The following PCNX1 variants were observed in gnomAD, a reference collection of about 807,000 sequenced individuals.
PCNX1 encodes the protein pecanex-like protein 1.
In PCNX1, 78 loss-of-function variants were observed where a neutral mutation model predicts 242.2. The ratio of observed to expected loss-of-function variants is 0.32; its 90% CI spans 0.27 to 0.39. The LOEUF is 0.39. PCNX1 is among the 10% of genes least tolerant of loss of function. The probability of loss-of-function intolerance (pLI) is 1.00; values close to 1 mark genes in which losing one functional copy is unlikely to be tolerated. For synonymous variants in PCNX1, 1,024 were observed against 1,032.9 expected (o/e 0.99, Z 0.17); for missense variants, 2,581 against 2,856.5 (o/e 0.90, Z 2.20).
intron 13 of PCNX1, among the ~76,000 whole-genome samples, chr14:71,024,923 T>G (rs1315509352): frequency 1.3e-5 from 2 of 152,196 alleles, no homozygotes; most frequent in Non-Finnish European, 2.9e-5. Context: ...TGTTACTGTT[T>G]TTCTCTTACA....
Position 71,102,043 on chromosome 14 carries a change from C to T in PCNX1, c.5643C>T (p.Ala1881=), listed in dbSNP as rs1312590184. 3.1e-6 allele frequency: 5 copies of T among 1,613,618 alleles called. No homozygotes were observed. The highest frequency in any genetic ancestry group is 2.2e-5 in the East Asian group (1 of 44,874). Residue 1881 remains alanine, a synonymous_variant, in exon 31 of 36, where the codon GCC becomes GCT. Transcript: ENST00000304743. The part of the protein sequence containing the change: ...EYDDPTVLYE[A]IVSHEKNLVI... ...ATGACCCTACTGTGCTCTATGAAGCCATAGTATCTCATGAGAAGAACCTCG... is the reference window on the plus strand; with the variant it reads ...ATGACCCTACTGTGCTCTATGAAGCTATAGTATCTCATGAGAAGAACCTCG...
intron 15 of PCNX1, among the ~76,000 whole-genome samples, chr14:71,028,085 C>T (rs1414638709): frequency 6.6e-6 from 1 of 151,816 alleles, no homozygotes. Context: ...TCTTAGCCAT[C>T]CCCTATTCCT....
intron 8 of PCNX1, among the ~76,000 whole-genome samples, chr14:71,006,859 T>A (rs1289252242): frequency 6.6e-6 from 1 of 152,196 alleles, no homozygotes; most frequent in Non-Finnish European, 1.5e-5. Context: ...ACTTCTAAAG[T>A]ACATAGACTT....
At chr14:71,060,491 A>G (rs893326624) in intron 26 of PCNX1, among the ~76,000 whole-genome samples, 1 of 152,142 alleles carries the variant, frequency 6.6e-6, no homozygotes, top group Admixed American at 6.6e-5. Context: ...GTTTGATTTG[A>G]TCTTGTGTCA....
At chr14:71,023,993 A>G (rs2060172825) in intron 13 of PCNX1, among the ~76,000 whole-genome samples, 1 of 152,180 alleles carries the variant, frequency 6.6e-6, no homozygotes, top group African/African-American at 2.4e-5. Context: ...GTGTAATGAT[A>G]TATGGAAACA....
chr14:70,986,317 C>A (rs2140224696), intron 6 of PCNX1, among the ~76,000 whole-genome samples: 1 of 152,286 alleles, frequency 6.6e-6, no homozygotes, highest in Admixed American at 6.5e-5. Flanking sequence ...AATCATAATT[C>A]CACTTTAACA....
Position 70,908,109 on chromosome 14 carries a change from C to T in PCNX1, c.153+106C>T, listed in dbSNP as rs986545411. ...CCACGGGGTCTCGTCCCCCGGGGGCCGCCACCCTCTCGGTGTGAGGCTCCC... is the reference window on the plus strand; with the variant it reads ...CCACGGGGTCTCGTCCCCCGGGGGCTGCCACCCTCTCGGTGTGAGGCTCCC... On this transcript the variant is annotated intron_variant, in intron 1 of 35. Transcript: ENST00000304743. 37 of 1,090,112 alleles carry T rather than the reference C, an allele frequency of 3.4e-5. 1 individual carries two copies. The highest frequency in any genetic ancestry group is 3.1e-4 in the Middle Eastern group (1 of 3,176). The allele number at this position is 1,090,112 out of a possible 1,614,324, so 67.5% of individuals were successfully genotyped here. A position where few individuals can be genotyped will look rare whatever the true frequency, so the allele number is the denominator to read the frequency against.
Position 70,988,649 on chromosome 14 carries a change from T to C in PCNX1, c.2394T>C (p.Asn798=). The C allele has an allele frequency of 1.2e-6, 2 of 1,614,070 alleles. No individual in the cohort carries two copies. The highest frequency in any genetic ancestry group is 2.2e-5 in the South Asian group (2 of 91,080). ...GCCAGGCAGTACGGCGCCGGCACAA[T>C]GCAGGGAGTAACCCTACCCCTCCTA... is the stretch of plus-strand genomic sequence containing the variant. ...FRRQAVRRRH[N]AGSNPTPPTL... Residue 798 remains asparagine (N), a synonymous_variant, in exon 7 of 36, where the codon AAT becomes AAC. Transcript: ENST00000304743.
chr14:70,939,311 C>T (rs1461755312), intron 1 of PCNX1, among the ~76,000 whole-genome samples: 1 of 152,164 alleles, frequency 6.6e-6, no homozygotes, highest in African/African-American at 2.4e-5. Context: ...AAATGTGTCC[C>T]AGAGATTCTG....
In PCNX1 at chr14:71,026,213, G is replaced by A. The variant is rs1486353848; in HGVS notation, c.3280G>A (p.Ala1094Thr). Reference sequence around the variant, plus strand: ...GGATTATGGTAGCAGAAACCTGACTGCAACCAAGTTCAAATTATATGGAAT... The same window carrying A: ...GGATTATGGTAGCAGAAACCTGACTACAACCAAGTTCAAATTATATGGAAT... ...LLDYGSRNLT[A>T]TKFKLYGITF... Residue 1094 changes from alanine (A) to threonine (T), a missense_variant, in exon 14 of 36, where the codon GCA (alanine) becomes ACA (threonine). Ala to Thr is a moderately conservative substitution (Grantham distance 58, BLOSUM62 0). Coordinates refer to ENST00000304743, the MANE Select transcript of PCNX1 (RefSeq NM_014982.3). 6.2e-7 allele frequency: 1 copy of A among 1,611,390 alleles called. No homozygotes were observed. Among genetic ancestry groups the A allele is most frequent in the Non-Finnish European group, 8.5e-7 (1 of 1,178,422 alleles).
chr14:71,002,702 TTC>T (rs1295135100), intron 8 of PCNX1, among the ~76,000 whole-genome samples: 2 of 152,222 alleles, frequency 1.3e-5, no homozygotes, highest in Admixed American at 1.3e-4. Context: ...AGTTTGTTCT[TTC>T]TTACTGCTGA....
chr14:71,100,328 A>G (rs1489291912), intron 30 of PCNX1, among the ~76,000 whole-genome samples: 1 of 152,174 alleles, frequency 6.6e-6, no homozygotes, highest in African/African-American at 2.4e-5. Context: ...TTGTCTGGAA[A>G]AGATTTTATT....
chr14:70,999,438 T>G (rs1192726544), intron 8 of PCNX1, among the ~76,000 whole-genome samples: 2 of 152,182 alleles, frequency 1.3e-5, no homozygotes, highest in Non-Finnish European at 2.9e-5. Context: ...TAAAAATTAC[T>G]GTTACAATGT....
In PCNX1 at chr14:71,114,712, C is replaced by T. The variant is rs929256942; in HGVS notation, c.*4777C>T. On this transcript the variant is annotated 3_prime_UTR_variant, in exon 36 of 36. Transcript: ENST00000304743. ...TCTTATGCCTCAGCTCTGTACCTGACAATTTATGATTCAGTGGAGCCAAGC... is the reference window on the plus strand; with the variant it reads ...TCTTATGCCTCAGCTCTGTACCTGATAATTTATGATTCAGTGGAGCCAAGC... 1.3e-5 allele frequency: 2 copies of T among 152,394 alleles called. No homozygotes were observed. Among genetic ancestry groups the T allele is most frequent in the Non-Finnish European group, 2.9e-5 (2 of 67,994 alleles). 9.4% of individuals were successfully genotyped at this position (152,394 alleles called of 1,614,324 possible).
chr14:71,076,484 TGTTA>T, intron 28 of PCNX1, 65 bp downstream of exon 28: 2 of 1,052,932 alleles, frequency 1.9e-6, no homozygotes, highest in Non-Finnish European at 2.9e-6. Flanking sequence ...AGAATGTCCC[TGTTA>T]GTTCTTATGA....
intron 1 of PCNX1, among the ~76,000 whole-genome samples, chr14:70,924,373 C>T (rs1336241051): frequency 1.3e-5 from 2 of 152,054 alleles, no homozygotes; most frequent in African/African-American, 2.4e-5. Flanking sequence ...ACACTGCATC[C>T]GGTTTCTCCT....
chr14:71,072,790 G>A (rs2061616898), intron 26 of PCNX1, among the ~76,000 whole-genome samples: 1 of 152,094 alleles, frequency 6.6e-6, no homozygotes, highest in African/African-American at 2.4e-5. Flanking sequence ...GTATTTTGCT[G>A]GCACTAGATT....
intron 1 of PCNX1, among the ~76,000 whole-genome samples, chr14:70,930,743 T>C (rs1256380752): frequency 6.6e-6 from 1 of 152,140 alleles, no homozygotes; most frequent in African/African-American, 2.4e-5. Context: ...GAAATTAGTT[T>C]GGCCCTGTGT....
At position 71,069,220 on chromosome 14, in the gene PCNX1, T is replaced by C. The variant is rs75886538; in HGVS notation, c.4853-4325T>C. On this transcript the variant is annotated intron_variant, in intron 26 of 35. Coordinates refer to ENST00000304743, the MANE Select transcript of PCNX1 (RefSeq NM_014982.3). The stretch of plus-strand genomic sequence containing the variant: ...ATTCAGCTATCTCCCACTAGGTCCC[T>C]CTCACAATTATGGAATTATGGGAGC... 9.0e-3 allele frequency among the ~76,000 whole-genome samples: 1,366 copies of C among 152,258 alleles called. 10 individuals are homozygous for C. Among genetic ancestry groups the C allele is most frequent in the Non-Finnish European group, 0.012 (842 of 68,012 alleles).
Sources: allele counts gnomAD v4.1 joint callset (sites outside exome capture counted in the v4.1 genomes callset), GRCh38; gene constraint gnomAD v4.1.1; transcripts MANE v1.5; gene names NCBI Gene and HGNC (gene_info 2026-07-23, HGNC 2026-07-21).